The following GRM5 variants were observed in gnomAD, a reference collection of about 807,000 sequenced individuals.
GRM5 encodes the protein glutamate metabotropic receptor 5, also known as metabotropic glutamate receptor 5.
In GRM5, 19 loss-of-function variants were observed where a neutral mutation model predicts 83.1. The observed-to-expected ratio is 0.23, with a 90% CI of 0.16 to 0.34. The LOEUF (loss-of-function observed/expected upper bound fraction) is 0.34, where lower values mean the gene tolerates loss of function less well. Ranked by LOEUF, GRM5 falls within the 10% of genes least tolerant of loss-of-function variation. The probability of loss-of-function intolerance (pLI) is 1.00; values close to 1 mark genes in which losing one functional copy is unlikely to be tolerated. For synonymous variants in GRM5, 675 were observed against 633.6 expected (o/e 1.07, Z -0.98); for missense variants, 1,160 against 1,588.3 (o/e 0.73, Z 4.58).
intron 3 of GRM5, among the ~76,000 whole-genome samples, chr11:88,788,401 A>G (rs1440969531): frequency 3.3e-5 from 5 of 152,166 alleles, no homozygotes; most frequent in African/African-American, 1.2e-4. Context: ...AAAGGAAGCC[A>G]TGGGCCATGT....
intron 3 of GRM5, among the ~76,000 whole-genome samples, chr11:88,818,476 T>C (rs1170793257): frequency 2.0e-5 from 3 of 152,142 alleles, no homozygotes; most frequent in Non-Finnish European, 4.4e-5. Context: ...GATGAATACA[T>C]CTTCAAGATG....
intron 2 of GRM5, among the ~76,000 whole-genome samples, chr11:88,945,592 AACCATCTAATCT>A (rs1938256631): frequency 6.6e-6 from 1 of 152,138 alleles, no homozygotes; most frequent in South Asian, 2.1e-4. Flanking sequence ...GCACACCTAC[AACCATCTAATCT>A]TCAACAAAAT....
At chr11:88,869,044 T>C (rs188278728) in intron 2 of GRM5, among the ~76,000 whole-genome samples, 188 of 151,886 alleles carry the variant, frequency 1.2e-3, no homozygotes, top group African/African-American at 3.9e-3. Context: ...ACCTTTGAGA[T>C]ACCAGAATGT....
At chr11:89,043,782 G>C (rs1447327312) in intron 2 of GRM5, among the ~76,000 whole-genome samples, 1 of 152,064 alleles carries the variant, frequency 6.6e-6, no homozygotes, top group Non-Finnish European at 1.5e-5. Context: ...GGTTGGAAAG[G>C]CAATTTTGTT....
chr11:88,871,349 T>C (rs1944764245), intron 2 of GRM5, among the ~76,000 whole-genome samples: 1 of 151,634 alleles, frequency 6.6e-6, no homozygotes, highest in Non-Finnish European at 1.5e-5. Flanking sequence ...CTGTTCAACC[T>C]ACTGCAGGAA....
intron 3 of GRM5, among the ~76,000 whole-genome samples, chr11:88,845,673 T>C (rs904012874): frequency 6.6e-6 from 1 of 151,070 alleles, no homozygotes; most frequent in African/African-American, 2.5e-5. Flanking sequence ...GACTTCATGA[T>C]CCACCCGCCT....
At chr11:88,776,382 AC>A (rs1942849654) in intron 3 of GRM5, among the ~76,000 whole-genome samples, 1 of 151,766 alleles carries the variant, frequency 6.6e-6, no homozygotes, top group Non-Finnish European at 1.5e-5. Flanking sequence ...ATGGGTCTTG[AC>A]TCTATCCAAT....
chr11:88,991,584 G>A (rs576167955), intron 2 of GRM5, among the ~76,000 whole-genome samples: 2,011 of 149,388 alleles, frequency 0.013, 64 homozygotes, highest in African/African-American at 0.047. Flanking sequence ...AACAAAGCTG[G>A]AGGCATCACA....
rs369951090 is a variant in GRM5, at chr11:88,928,907, T to TATACACACACACAC, written c.662-78753_662-78752insGTGTGTGTGTGTAT. ...GTTTGTACCTATGTGTATGTGTATA[T>TATACACACACACAC]ACACACACACACACACACACACACA... On this transcript the variant is annotated intron_variant, in intron 2 of 9. Coordinates refer to ENST00000305447, the MANE Select transcript of GRM5 (RefSeq NM_001143831.3). Among the ~76,000 whole-genome samples, 81 of 138,758 alleles carry TATACACACACACAC rather than the reference T, an allele frequency of 5.8e-4. 1 individual carries two copies. The highest frequency in any genetic ancestry group is 1.0e-3 in the Non-Finnish European group (65 of 65,066). 91.0% of individuals were successfully genotyped at this position (138,758 alleles called of 152,430 possible). A position where few individuals can be genotyped will look rare whatever the true frequency, so the allele number is the denominator to read the frequency against.
intron 2 of GRM5, among the ~76,000 whole-genome samples, chr11:88,913,481 C>A (rs1388761877): frequency 6.6e-6 from 1 of 151,960 alleles, no homozygotes; most frequent in Admixed American, 6.6e-5. Context: ...CTCAGAGCTG[C>A]ATCCCTCTCT....
chr11:88,999,748 G>A (rs1437675819), intron 2 of GRM5, among the ~76,000 whole-genome samples: 8 of 152,180 alleles, frequency 5.3e-5, no homozygotes, highest in African/African-American at 1.9e-4. Flanking sequence ...GTATATACCC[G>A]AAGGATCATA....
chr11:88,973,324 G>A (rs1161401916), intron 2 of GRM5, among the ~76,000 whole-genome samples: 1 of 152,144 alleles, frequency 6.6e-6, no homozygotes, highest in African/African-American at 2.4e-5. Context: ...ACCTACACCT[G>A]TTTAAGTGTT....
rs982794739 is a variant in GRM5 at position 88,760,331 on chromosome 11, T to TAAAGA, written c.911+89570_911+89574dup. On this transcript the variant is annotated intron_variant, in intron 3 of 9. Coordinates refer to ENST00000305447, the MANE Select transcript of GRM5 (RefSeq NM_001143831.3). ...TAAAATAGACTGCTAGCTAGACTAA[T>TAAAGA]AAAGAGAAGATCTAAATAAATAAAA... Among the ~76,000 whole-genome samples the TAAAGA allele has an allele frequency of 7.9e-5, 5 of 62,954 alleles. 1 individual carries two copies. The South Asian group carries it at 1.5e-3, about 19-fold the overall frequency. 41.3% of individuals were successfully genotyped at this position (62,954 alleles called of 152,430 possible). A position where few individuals can be genotyped will look rare whatever the true frequency, so the allele number is the denominator to read the frequency against.
intron 3 of GRM5, among the ~76,000 whole-genome samples, chr11:88,706,432 A>G (rs545070919): frequency 8.5e-4 from 130 of 152,190 alleles, no homozygotes; most frequent in African/African-American, 3.0e-3. Flanking sequence ...AGTCTGTGAA[A>G]TCCTTGAAGG....
intron 2 of GRM5, among the ~76,000 whole-genome samples, chr11:88,994,665 G>C (rs1246938990): frequency 4.7e-5 from 7 of 147,772 alleles, no homozygotes; most frequent in East Asian, 2.0e-4. Context: ...GGATGATTTG[G>C]ATTTAACTCA....
At chr11:88,863,416 GA>G (rs1482782978) in intron 2 of GRM5, among the ~76,000 whole-genome samples, 2 of 152,102 alleles carry the variant, frequency 1.3e-5, no homozygotes, top group Admixed American at 6.6e-5. Flanking sequence ...ATACACCATG[GA>G]ATATTATGCA....
chr11:88,623,276 T>C (rs904136390), intron 4 of GRM5, among the ~76,000 whole-genome samples: 5 of 151,488 alleles, frequency 3.3e-5, no homozygotes, highest in African/African-American at 1.2e-4. Context: ...TAGTATTTTT[T>C]TGTATTTTTG....
intron 8 of GRM5, among the ~76,000 whole-genome samples, chr11:88,537,721 T>G (rs1325090969): frequency 3.3e-5 from 5 of 152,204 alleles, no homozygotes; most frequent in African/African-American, 9.6e-5. Context: ...TTACTAGATA[T>G]TCCATCAGAT....
At chr11:88,995,749 G>A (rs1200985455) in intron 2 of GRM5, among the ~76,000 whole-genome samples, 2 of 152,014 alleles carry the variant, frequency 1.3e-5, no homozygotes, top group African/African-American at 4.8e-5. Context: ...CTAATGATAT[G>A]ATTGAAAAAT....
Sources: allele counts gnomAD v4.1 joint callset (sites outside exome capture counted in the v4.1 genomes callset), GRCh38; gene constraint gnomAD v4.1.1; transcripts MANE v1.5; gene names NCBI Gene and HGNC (gene_info 2026-07-23, HGNC 2026-07-21).